Variants in EPB41L1 observed in about 807,000 individuals in gnomAD.
EPB41L1 encodes erythrocyte membrane protein band 4.1 like 1.
EPB41L1 carries 29 observed loss-of-function variants against 97.8 expected under a neutral mutation model. That is an observed-to-expected ratio of 0.30 (90% confidence interval 0.22 to 0.40). The LOEUF (loss-of-function observed/expected upper bound fraction) is 0.40. Among genes scored for constraint, EPB41L1 ranks in the 10% least tolerant of loss-of-function variants. EPB41L1 has a pLI of 1.00. For missense variants in EPB41L1, 812 were observed against 1,162.3 expected (o/e 0.70, Z 4.38); for synonymous variants, 383 against 459.2 (o/e 0.83, Z 2.12).
intron 1 of EPB41L1, 143 bp from the exon 2 acceptor site, chr20:36,173,621 T>C (rs956080291): frequency 2.6e-6 from 2 of 760,058 alleles, no homozygotes; most frequent in African/African-American, 1.7e-5. Flanking sequence ...ACTTCCTCTG[T>C]CTCTCCCTTC....
intron 2 of EPB41L1, among the ~76,000 whole-genome samples, chr20:36,129,934 GT>G (rs35257790): frequency 0.11 from 14,135 of 130,372 alleles, 1,147 homozygotes; most frequent in African/African-American, 0.24. Flanking sequence ...CGGCAGGTTT[GT>G]TTTTTTTTTT....
At chr20:36,188,627 CACACACACACACACAGAGAGAG>C (rs1398251656) in intron 9 of EPB41L1, 128 bp downstream of exon 9, 12 of 677,912 alleles carry the variant, frequency 1.8e-5, no homozygotes, top group African/African-American at 1.4e-4. Context: ...CACACACACA[CACACACACACACACAGAGAGAG>C]AGAGAGAGAG....
intron 17 of EPB41L1, among the ~76,000 whole-genome samples, chr20:36,218,393 A>G (rs2063567643): frequency 6.6e-6 from 1 of 152,148 alleles, no homozygotes; most frequent in Non-Finnish European, 1.5e-5. Context: ...ATGCCCCTAT[A>G]TTTATCCTAT....
Position 36,175,704 on chromosome 20 carries a change from T to C in EPB41L1, c.331T>C (p.Cys111Arg). The change falls in exon 3 of 22, where the codon TGT becomes CGT. Residue 111 changes from cysteine to arginine, a missense_variant. Transcript: ENST00000338074. ...VTLLDASEYE[C>R]EVEKHGRGQV... ...TCTGCTTGATGCCTCGGAGTATGAG[T>C]GTGAGGTGGAGGTAGGGGAGCACTG... is the stretch of plus-strand genomic sequence containing the variant. 1 of 1,613,476 alleles carries C rather than the reference T, an allele frequency of 6.2e-7. No individual in the cohort carries two copies. Among genetic ancestry groups the C allele is most frequent in the African/African-American group, 1.3e-5 (1 of 74,792 alleles).
chr20:36,128,168 G>T lies in EPB41L1; in HGVS notation c.-10+15688G>T, dbSNP rs965440288. On this transcript the variant is annotated intron_variant, in intron 2 of 19. Transcript: ENST00000202028. ...TATGTGACCTTGGGAGGGTGGCTCAGTTGCAGTCTCCCCATCTATCACACA... is the reference window on the plus strand; with the variant it reads ...TATGTGACCTTGGGAGGGTGGCTCATTTGCAGTCTCCCCATCTATCACACA... Among the ~76,000 whole-genome samples the T allele has an allele frequency of 2.0e-5, 3 of 152,168 alleles. No individual in the cohort carries two copies. The East Asian group carries it at 5.8e-4, about 29-fold the overall frequency.
chr20:36,228,354 C>T (rs1353479835), intron 21 of EPB41L1, among the ~76,000 whole-genome samples: 2 of 152,160 alleles, frequency 1.3e-5, no homozygotes, highest in Non-Finnish European at 2.9e-5. Context: ...CAGTTCCTCC[C>T]TATAATGGGA....
At chr20:36,104,800 G>A (rs1375050485) in intron 1 of EPB41L1, among the ~76,000 whole-genome samples, 4 of 152,232 alleles carry the variant, frequency 2.6e-5, no homozygotes, top group Non-Finnish European at 5.9e-5. Context: ...ATGCAGGTGG[G>A]AAGCAGAGGC....
intron 1 of EPB41L1, among the ~76,000 whole-genome samples, chr20:36,160,919 T>C (rs2145643040): frequency 6.6e-6 from 1 of 152,236 alleles, no homozygotes; most frequent in East Asian, 1.9e-4. Flanking sequence ...CCCCTGTTGA[T>C]TGACATTTGA....
At chr20:36,200,886 A>G in intron 14 of EPB41L1, 1 of 456,428 alleles carries the variant, frequency 2.2e-6, no homozygotes, top group South Asian at 1.5e-5. Context: ...CAGAGGACCC[A>G]GGACATCTCT....
Position 36,175,603 on chromosome 20 carries a change from G to A in EPB41L1, c.230G>A (p.Arg77Lys). The A allele has an allele frequency of 2.5e-6, 4 of 1,614,208 alleles. No homozygotes were observed. Among genetic ancestry groups the A allele is most frequent in the Non-Finnish European group, 3.4e-6 (4 of 1,180,036 alleles). ...AGTGAGGCCGATGGCCTTTCGGAGA[G>A]GACCACGCCCAGCAAGGCCCAGAAA... The part of the protein sequence containing the change: ...DYSEADGLSE[R>K]TTPSKAQKSP... The change falls in exon 3 of 22, where the codon AGG becomes AAG. Residue 77 changes from arginine (R) to lysine (K), a missense_variant. This residue lies in a region of EPB41L1 where 230 missense variants were observed against 445.2 expected (regional missense o/e 0.52). Coordinates refer to ENST00000338074, the MANE Select transcript of EPB41L1 (RefSeq NM_012156.2).
In EPB41L1 at chr20:36,131,217, C is replaced by T. The variant is rs537729163; in HGVS notation, c.-10+18737C>T. Among the ~76,000 whole-genome samples the T allele has an allele frequency of 3.6e-4, 55 of 152,176 alleles. No individual in the cohort carries two copies. The East Asian group carries it at 5.4e-3, about 15-fold the overall frequency. On this transcript the variant is annotated intron_variant, in intron 2 of 19. Coordinates refer to the EPB41L1 transcript ENST00000202028. ...CTTGAACTCCTGGCCTCTGGTGATC[C>T]GCCCGCCTCGGCCTCCCAAAGTGCT...
chr20:36,118,236 C>T (rs866077984), intron 2 of EPB41L1, among the ~76,000 whole-genome samples: 5 of 152,234 alleles, frequency 3.3e-5, no homozygotes, highest in Middle Eastern at 3.4e-3. Flanking sequence ...CCTATAATCC[C>T]AGCTACTTGG....
Position 36,222,240 on chromosome 20 carries a change from A to G in EPB41L1, c.2521-38A>G, listed in dbSNP as rs1308065260. 2.6e-6 allele frequency: 4 copies of G among 1,533,836 alleles called. No homozygotes were observed. The African/African-American group carries it at 5.5e-5, about 21-fold the overall frequency. On this transcript the variant is annotated intron_variant, in intron 20 of 21. Coordinates refer to ENST00000338074, the MANE Select transcript of EPB41L1 (RefSeq NM_012156.2). ...CTTCACAGTCTCTCTCGTCTTGGAT[A>G]GTTCATGGTTCCTTCCTTTGCTGTT...
intron 2 of EPB41L1, among the ~76,000 whole-genome samples, chr20:36,137,596 C>G (rs190283223): frequency 6.6e-6 from 1 of 152,174 alleles, no homozygotes; most frequent in African/African-American, 2.4e-5. Flanking sequence ...GCGATCTTGG[C>G]TCACGGCAAT....
intron 1 of EPB41L1, among the ~76,000 whole-genome samples, chr20:36,169,454 T>C (rs1436175595): frequency 6.6e-6 from 1 of 151,918 alleles, no homozygotes; most frequent in Non-Finnish European, 1.5e-5. Flanking sequence ...CAACGCTTAG[T>C]GTTGGGATCT....
Position 36,093,216 on chromosome 20 carries a change from A to G in EPB41L1, c.-65+1604A>G, listed in dbSNP as rs2057714844. The stretch of plus-strand genomic sequence containing the variant: ...GTGTGTCTGCGTGTGTCTGTCGGTG[A>G]ATGTATCTGTGAGAGGGTGTGTCCG... On this transcript the variant is annotated intron_variant, in intron 1 of 19. Coordinates refer to the EPB41L1 transcript ENST00000202028. This position sits in a 1 kb window ranked among gnomAD's most constrained non-coding sequence, Gnocchi z 5.4. Among the ~76,000 whole-genome samples the G allele has an allele frequency of 6.7e-6, 1 of 150,232 alleles. No homozygotes were observed. Among genetic ancestry groups the G allele is most frequent in the Non-Finnish European group, 1.5e-5 (1 of 67,736 alleles).
chr20:36,153,040 T>G (rs1349933930), upstream of EPB41L1: 1 of 456,630 alleles, frequency 2.2e-6, no homozygotes, highest in East Asian at 6.9e-5. Context: ...CTGCTGAACC[T>G]GGTGAGCAGG....
At chr20:36,115,049 G>A (rs946742628) in intron 2 of EPB41L1, among the ~76,000 whole-genome samples, 2 of 152,138 alleles carry the variant, frequency 1.3e-5, no homozygotes, top group African/African-American at 4.8e-5. Context: ...AATAACAATA[G>A]CTAATGTGCA....
intron 2 of EPB41L1, among the ~76,000 whole-genome samples, chr20:36,119,625 G>A (rs1157330847): frequency 6.7e-6 from 1 of 149,114 alleles, no homozygotes; most frequent in Non-Finnish European, 1.5e-5. Flanking sequence ...AGGAAGGAAG[G>A]GAAGGGAAGC....
Sources: allele counts gnomAD v4.1 joint callset (sites outside exome capture counted in the v4.1 genomes callset), GRCh38; gene constraint gnomAD v4.1.1; regional missense constraint gnomAD v4.1.1; non-coding constraint Gnocchi (gnomAD v3.1); transcripts MANE v1.5; gene names NCBI Gene and HGNC (gene_info 2026-07-23, HGNC 2026-07-21).